The following BRWD1 variants were observed in gnomAD, a reference collection of about 807,000 sequenced individuals.
BRWD1 encodes the protein bromodomain and WD repeat domain containing 1.
BRWD1 carries 82 observed loss-of-function variants against 251.2 expected under a neutral mutation model. That is an observed-to-expected ratio of 0.33 (90% confidence interval 0.27 to 0.39). The LOEUF is 0.39. Ranked by LOEUF, BRWD1 falls within the 10% of genes least tolerant of loss-of-function variation. BRWD1 has a pLI of 1.00. For synonymous variants in BRWD1, 918 were observed against 902.8 expected (o/e 1.02, Z -0.30); for missense variants, 2,233 against 2,711.6 (o/e 0.82, Z 3.92).
At chr21:39,297,052 C>T (rs1027786425) in intron 5 of BRWD1, 188 of 985,224 alleles carry the variant, frequency 1.9e-4, no homozygotes, top group Non-Finnish European at 2.2e-4. Context: ...AGAGCACATA[C>T]GTAGGATCTG....
chr21:39,243,421 T>C (rs925612034), intron 21 of BRWD1, among the ~76,000 whole-genome samples: 1 of 152,208 alleles, frequency 6.6e-6, no homozygotes, highest in Non-Finnish European at 1.5e-5. Context: ...GATCTGATAA[T>C]GACATTATAT....
chr21:39,248,671 A>C lies in BRWD1; in HGVS notation c.2350-839T>G, dbSNP rs1163312874. Among the ~76,000 whole-genome samples the C allele has an allele frequency of 1.9e-3, 229 of 122,768 alleles. 12 individuals are homozygous for C. The highest frequency in any genetic ancestry group is 8.7e-3 in the East Asian group (38 of 4,380). 80.5% of individuals were successfully genotyped at this position (122,768 alleles called of 152,430 possible). ...AAAAAAAAAAAAAAAAAAAAAAAAAAAAAAAAAAAACACTGGGGGGTGGAG... is the reference window on the plus strand; with the variant it reads ...AAAAAAAAAAAAAAAAAAAAAAAAACAAAAAAAAAACACTGGGGGGTGGAG... On this transcript the variant is annotated intron_variant, in intron 20 of 40. Transcript: ENST00000342449.
chr21:39,268,120 G>A (rs1421329992), intron 15 of BRWD1, among the ~76,000 whole-genome samples: 3 of 152,114 alleles, frequency 2.0e-5, no homozygotes, highest in Non-Finnish European at 4.4e-5. Flanking sequence ...ATACTTGTGG[G>A]TAAAAATTTA....
intron 5 of BRWD1, chr21:39,296,593 T>C: frequency 3.6e-6 from 4 of 1,120,462 alleles, no homozygotes; most frequent in Non-Finnish European, 1.1e-6. Context: ...CACTTTACAA[T>C]TCACAAAGTG....
intron 29 of BRWD1, 26 bp from the exon 30 acceptor site, chr21:39,218,686 G>A: frequency 1.3e-6 from 2 of 1,536,576 alleles, no homozygotes; most frequent in Non-Finnish European, 1.7e-6. Flanking sequence ...AAAACAATGA[G>A]AGGAAGAAAA....
intron 21 of BRWD1, among the ~76,000 whole-genome samples, chr21:39,245,660 C>T (rs952348859): frequency 1.1e-4 from 16 of 148,508 alleles, no homozygotes; most frequent in Non-Finnish European, 8.9e-5. Flanking sequence ...AGTGCCGTGG[C>T]GCAGTCTCGG....
At position 39,206,202 on chromosome 21, in the gene BRWD1, T is replaced by C; in HGVS notation, c.4270A>G (p.Ile1424Val). Residue 1424 changes from isoleucine to valine, a missense_variant, in exon 37 of 41, where the codon ATT becomes GTT. Physicochemically the swap from Ile to Val is conservative, Grantham distance 29. Coordinates refer to ENST00000342449, the MANE Select transcript of BRWD1 (RefSeq NM_033656.4). The part of the protein sequence containing the change: ...KMKKISSDFK[I>V]GQKFNEKLRR... ...AGTTTTTCATTGAATTTTTGACCAATTTTAAAATCAGAAGAGATTTTCTTC... is the reference window on the plus strand; with the variant it reads ...AGTTTTTCATTGAATTTTTGACCAACTTTAAAATCAGAAGAGATTTTCTTC... The C allele has an allele frequency of 1.2e-6, 2 of 1,612,562 alleles. No homozygotes were observed. The highest frequency in any genetic ancestry group is 1.1e-5 in the South Asian group (1 of 90,946).
intron 8 of BRWD1, among the ~76,000 whole-genome samples, chr21:39,284,099 C>G (rs80332646): frequency 0.015 from 2,314 of 152,234 alleles, 56 homozygotes; most frequent in African/African-American, 0.053. Flanking sequence ...GTAAAATAAG[C>G]ACTCTTTAAT....
chr21:39,296,334 C>T lies in BRWD1; in HGVS notation c.379G>A (p.Ala127Thr). The change falls in exon 6 of 41, where the codon GCC (alanine) becomes ACC (threonine). Residue 127 changes from alanine (A) to threonine (T), a missense_variant. Transcript: ENST00000342449. ...DCRHTVWKGS[A>T]FAALHRGRPP... is the part of the protein sequence containing the mutation. ...CTTCCTCTATGAAGAGCAGCAAAGG[C>T]AGAGCCCTTCCAAACTGTGTGCCTG... The T allele has an allele frequency of 1.3e-6, 2 of 1,598,148 alleles. No homozygotes were observed.
In BRWD1 at chr21:39,264,671, C is replaced by T. The variant is rs1428294955; in HGVS notation, c.1674G>A (p.Met558Ile). 9 of 1,605,162 alleles carry T rather than the reference C, an allele frequency of 5.6e-6. No homozygotes were observed. Among genetic ancestry groups the T allele is most frequent in the South Asian group, 2.2e-5 (2 of 89,770 alleles). ...SKPYEKIPDQ[M>I]FFHTDYRPLI... ...GTGGTCGATAGTCAGTATGGAAGAA[C>T]ATCTGATCAGGAATCTAGAAAAATG... Residue 558 changes from methionine (M) to isoleucine (I), a missense_variant, in exon 17 of 41, where the codon ATG becomes ATA. By Grantham distance (10) the Met-to-Ile change is conservative. Around this residue, in one of 12 missense-constraint regions of BRWD1, gnomAD observed 315 missense variants for 421.8 expected, o/e 0.75. Transcript: ENST00000342449.
intron 36 of BRWD1, among the ~76,000 whole-genome samples, chr21:39,208,614 A>G (rs1486148187): frequency 6.6e-6 from 1 of 152,186 alleles, no homozygotes. Context: ...GTGCAGTGGC[A>G]TGATCTCAGC....
At chr21:39,207,485 A>ACACACACACACACACACACACACAC (rs1350272514) in intron 36 of BRWD1, among the ~76,000 whole-genome samples, 4 of 120,222 alleles carry the variant, frequency 3.3e-5, no homozygotes, top group East Asian at 2.1e-4. Context: ...CACACACACA[A>ACACACACACACACACACACACACAC]ACAAAACTCC....
At chr21:39,239,501 T>C (rs557601638) in intron 21 of BRWD1, among the ~76,000 whole-genome samples, 1 of 152,208 alleles carries the variant, frequency 6.6e-6, no homozygotes, top group Non-Finnish European at 1.5e-5. Context: ...TGTCAGTCTG[T>C]TTCTGGGCTC....
rs1361421041 is a variant in BRWD1 at position 39,194,278 on chromosome 21, T to G, written c.*1981A>C. 6.1e-6 allele frequency: 6 copies of G among 990,514 alleles called. No homozygotes were observed. The highest frequency in any genetic ancestry group is 1.7e-5 in the African/African-American group (1 of 57,270). 61.4% of individuals were successfully genotyped at this position (990,514 alleles called of 1,614,324 possible). A position where few individuals can be genotyped will look rare whatever the true frequency, so the allele number is the denominator to read the frequency against. On this transcript the variant is annotated 3_prime_UTR_variant, in exon 41 of 41. Coordinates refer to ENST00000342449, the MANE Select transcript of BRWD1 (RefSeq NM_033656.4). Reference sequence around the variant, plus strand: ...TTTATTTATGGATTTTTTTGGTACCTTTTTGCAAATGATGGTAAACATGGA... The same window carrying G: ...TTTATTTATGGATTTTTTTGGTACCGTTTTGCAAATGATGGTAAACATGGA...
intron 31 of BRWD1, 124 bp from the exon 32 acceptor site, chr21:39,215,486 T>G (rs2032850422): frequency 1.3e-6 from 1 of 790,560 alleles, no homozygotes; most frequent in African/African-American, 1.7e-5. Context: ...AAAGTTATAA[T>G]GAATAACCTT....
chr21:39,270,124 G>A (rs2035052478), intron 14 of BRWD1, 91 bp from the exon 15 acceptor site: 2 of 1,254,946 alleles, frequency 1.6e-6, no homozygotes, highest in South Asian at 4.1e-5. Flanking sequence ...TATACTTTTA[G>A]AAATGTATTC....
At chr21:39,229,847 C>T (rs905152832) in intron 25 of BRWD1, among the ~76,000 whole-genome samples, 2 of 152,190 alleles carry the variant, frequency 1.3e-5, no homozygotes, top group Admixed American at 1.3e-4. Context: ...AATCCTCCCA[C>T]ATCAGCTTCC....
At chr21:39,238,109 T>C (rs1046849592) in intron 22 of BRWD1, among the ~76,000 whole-genome samples, 1 of 152,128 alleles carries the variant, frequency 6.6e-6, no homozygotes, top group Non-Finnish European at 1.5e-5. Flanking sequence ...GGCTGACATT[T>C]TGGACCCAGG....
chr21:39,223,402 T>C (rs1385816184), intron 29 of BRWD1, among the ~76,000 whole-genome samples: 2 of 152,026 alleles, frequency 1.3e-5, no homozygotes, highest in Non-Finnish European at 2.9e-5. Context: ...GAGAAAAACA[T>C]CAAAGGATGT....
Sources: allele counts gnomAD v4.1 joint callset (sites outside exome capture counted in the v4.1 genomes callset), GRCh38; gene constraint gnomAD v4.1.1; regional missense constraint gnomAD v4.1.1; transcripts MANE v1.5; gene names NCBI Gene and HGNC (gene_info 2026-07-23, HGNC 2026-07-21).